Variants in TP63 observed in about 807,000 individuals in gnomAD.
TP63 encodes the protein tumor protein 63.
TP63 carries 17 observed loss-of-function variants against 82.8 expected under a neutral mutation model. The observed-to-expected ratio is 0.21, with a 90% CI of 0.14 to 0.31. The LOEUF is 0.31. Ranked by LOEUF, TP63 falls within the 10% of genes least tolerant of loss-of-function variation. The pLI is 1.00. For missense variants in TP63, 648 were observed against 895.3 expected (o/e 0.72, Z 3.52); for synonymous variants, 330 against 321.7 (o/e 1.03, Z -0.28).
chr3:189,732,232 C>T (rs1448207216), intron 1 of TP63, among the ~76,000 whole-genome samples: 1 of 152,032 alleles, frequency 6.6e-6, no homozygotes, highest in Non-Finnish European at 1.5e-5. Flanking sequence ...GAAACACAAG[C>T]TGAAAATGAC....
At chr3:189,742,592 A>C (rs77974319) in intron 3 of TP63, among the ~76,000 whole-genome samples, 15,655 of 152,248 alleles carry the variant, frequency 0.1, 865 homozygotes, top group Non-Finnish European at 0.12. Flanking sequence ...TATGTAGCTT[A>C]TTTGTGTCTG....
intron 1 of TP63, among the ~76,000 whole-genome samples, chr3:189,647,235 T>A (rs1712494995): frequency 6.8e-6 from 1 of 146,816 alleles, no homozygotes; most frequent in African/African-American, 2.6e-5. Context: ...GCTGATGAGG[T>A]CCTTCAGTTT....
chr3:189,614,807 T>C, the TP63 span, among the ~76,000 whole-genome samples: 1 of 152,188 alleles, frequency 6.6e-6, no homozygotes, highest in Non-Finnish European at 1.5e-5. Flanking sequence ...GTGGTACTTA[T>C]CCTGCTGAAC....
At chr3:189,846,420 A>G (rs1054241650) in intron 4 of TP63, among the ~76,000 whole-genome samples, 1 of 152,162 alleles carries the variant, frequency 6.6e-6, no homozygotes, top group Non-Finnish European at 1.5e-5. Flanking sequence ...GATGGCCAAA[A>G]CTGTCATGTC....
intron 3 of TP63, among the ~76,000 whole-genome samples, chr3:189,801,423 A>C (rs1473733085): frequency 6.6e-6 from 1 of 152,196 alleles, no homozygotes; most frequent in Non-Finnish European, 1.5e-5. Flanking sequence ...TTGATATAAA[A>C]TGATAATAAT....
intron 3 of TP63, among the ~76,000 whole-genome samples, chr3:189,793,613 T>C (rs1308545240): frequency 1.3e-5 from 2 of 152,100 alleles, no homozygotes; most frequent in Non-Finnish European, 2.9e-5. Context: ...CTGGGTGGAA[T>C]CTGAGCTGGT....
At chr3:189,718,546 C>T (rs1719134530) in intron 1 of TP63, among the ~76,000 whole-genome samples, 1 of 150,604 alleles carries the variant, frequency 6.6e-6, no homozygotes, top group African/African-American at 2.4e-5. Flanking sequence ...AATCACCTCC[C>T]ATCAGATCCC....
intron 4 of TP63, among the ~76,000 whole-genome samples, chr3:189,849,395 G>A (rs780368925): frequency 2.0e-4 from 30 of 152,236 alleles, no homozygotes; most frequent in Non-Finnish European, 3.8e-4. Context: ...CAACCTGTGC[G>A]ATATGACAGA....
intron 1 of TP63, among the ~76,000 whole-genome samples, chr3:189,699,080 C>A (rs1348789943): frequency 6.6e-6 from 1 of 152,118 alleles, no homozygotes; most frequent in East Asian, 1.9e-4. Flanking sequence ...AGCTTACAAT[C>A]AAGTAGGAAA....
At chr3:189,828,937 C>A (rs1195553656) in intron 4 of TP63, among the ~76,000 whole-genome samples, 3 of 152,168 alleles carry the variant, frequency 2.0e-5, no homozygotes, top group Non-Finnish European at 2.9e-5. Context: ...TTATAAATAG[C>A]AGTACCATTT....
intron 1 of TP63, among the ~76,000 whole-genome samples, chr3:189,633,004 A>T (rs1295064124): frequency 6.6e-6 from 1 of 152,048 alleles, no homozygotes; most frequent in Non-Finnish European, 1.5e-5. Flanking sequence ...GGAACCAGGG[A>T]AGCTTTAGAA....
chr3:189,719,249 A>G (rs947485083), intron 1 of TP63, among the ~76,000 whole-genome samples: 1 of 152,266 alleles, frequency 6.6e-6, no homozygotes, highest in Non-Finnish European at 1.5e-5. Flanking sequence ...TCTTTTGTAC[A>G]TACTCAGATC....
chr3:189,886,412 A>G lies in TP63; in HGVS notation c.1368A>G (p.Pro456=), dbSNP rs200558415. The change falls in exon 11 of 14, where the codon CCA becomes CCG. Residue 456 remains proline (P), a synonymous_variant. Coordinates refer to ENST00000264731, the MANE Select transcript of TP63 (RefSeq NM_003722.5). ...LLQKQTSIQS[P]SSYGNSSPPL... Reference sequence around the variant, plus strand: ...TTCCTAGGACCTCAATACAGTCTCCATCTTCATATGGTAACAGCTCCCCAC... The same window carrying G: ...TTCCTAGGACCTCAATACAGTCTCCGTCTTCATATGGTAACAGCTCCCCAC... 6 of 1,614,112 alleles carry G rather than the reference A, an allele frequency of 3.7e-6. No homozygotes were observed. The East Asian group carries it at 6.7e-5, about 18-fold the overall frequency.
chr3:189,876,453 G>A (rs1161116097), intron 10 of TP63, among the ~76,000 whole-genome samples: 1 of 152,102 alleles, frequency 6.6e-6, no homozygotes, highest in African/African-American at 2.4e-5. Context: ...CAAGATTTTA[G>A]GGACATATTT....
At chr3:189,822,157 T>G (rs1357731342) in intron 4 of TP63, among the ~76,000 whole-genome samples, 1 of 152,176 alleles carries the variant, frequency 6.6e-6, no homozygotes, top group Non-Finnish European at 1.5e-5. Context: ...GGATTTGATA[T>G]AATAAGTATA....
chr3:189,816,297 C>T (rs1460169423), intron 4 of TP63, among the ~76,000 whole-genome samples: 1 of 152,174 alleles, frequency 6.6e-6, no homozygotes, highest in Admixed American at 6.5e-5. Flanking sequence ...AAAATGAATG[C>T]AAACTTAAAA....
chr3:189,650,035 TGGGG>T (rs1712760268), intron 1 of TP63, among the ~76,000 whole-genome samples: 1 of 146,764 alleles, frequency 6.8e-6, no homozygotes, highest in Non-Finnish European at 1.5e-5. Context: ...TGTACTAAGG[TGGGG>T]AAGCATGGTA....
At chr3:189,832,325 T>C (rs1712490163) in intron 4 of TP63, among the ~76,000 whole-genome samples, 1 of 152,154 alleles carries the variant, frequency 6.6e-6, no homozygotes, top group Non-Finnish European at 1.5e-5. Flanking sequence ...TGGACAGTTG[T>C]TAGAGACAAA....
chr3:189,781,846 C>A (rs1396761962), intron 3 of TP63, among the ~76,000 whole-genome samples: 1 of 152,148 alleles, frequency 6.6e-6, no homozygotes, highest in African/African-American at 2.4e-5. Context: ...AAGGAGCAGA[C>A]ATCTGATGTA....
Sources: gnomAD v4.1 joint callset for allele counts (sites outside exome capture counted in the v4.1 genomes callset) on GRCh38, gnomAD v4.1.1 for gene constraint, MANE v1.5 for transcripts, NCBI Gene and HGNC (gene_info 2026-07-23, HGNC 2026-07-21) for gene names.